The following SLC26A5 variants were observed in gnomAD, a reference collection of about 807,000 sequenced individuals.
The protein encoded by SLC26A5 is solute carrier family 26 member 5.
A neutral mutation model predicts 81.0 loss-of-function variants in SLC26A5; 51 were observed. The observed-to-expected ratio is 0.63, with a 90% CI of 0.50 to 0.80. The LOEUF (loss-of-function observed/expected upper bound fraction) is 0.80, where lower values mean the gene tolerates loss of function less well. SLC26A5 is among the 30% of genes least tolerant of loss of function. The pLI is 0.00. For synonymous variants in SLC26A5, 325 were observed against 332.8 expected, an observed-to-expected ratio of 0.98 and a Z score of 0.25; for missense variants, 771 against 905.8, an observed-to-expected ratio of 0.85 and a Z score of 1.91.
chr7:103,419,671 G>A (rs530149207), intron 4 of SLC26A5, among the ~76,000 whole-genome samples: 26 of 152,068 alleles, frequency 1.7e-4, no homozygotes, highest in Non-Finnish European at 3.7e-4. Flanking sequence ...CTGAGTATCT[G>A]AGACTACAGG....
Position 103,411,603 on chromosome 7 carries a change from T to TGAA in SLC26A5, c.404-20_404-18dup, listed in dbSNP as rs764400425. The stretch of plus-strand genomic sequence containing the variant: ...CAAAAGGACCTGAAATAATGAAGCA[T>TGAA]GAAGATCCCTGTTCAGGGTTCAGAG... On this transcript the variant is annotated splice_polypyrimidine_tract_variant and intron_variant, in intron 5 of 19. Transcript: ENST00000306312. 2.5e-6 allele frequency: 4 copies of TGAA among 1,614,030 alleles called. No individual in the cohort carries two copies. In the African/African-American group the frequency reaches 5.3e-5, roughly 22 times the overall value.
At chr7:103,405,262 T>A (rs1461704668) in intron 8 of SLC26A5, among the ~76,000 whole-genome samples, 1 of 152,048 alleles carries the variant, frequency 6.6e-6, no homozygotes, top group Non-Finnish European at 1.5e-5. Context: ...GGAGAAGAGG[T>A]GTTCTGGCTT....
downstream of SLC26A5, among the ~76,000 whole-genome samples, chr7:103,369,833 A>G (rs1031884447): frequency 6.6e-6 from 1 of 152,224 alleles, no homozygotes; most frequent in Non-Finnish European, 1.5e-5. Context: ...CTTAGTGTTA[A>G]AAATGTGATT....
At position 103,416,404 on chromosome 7, in the gene SLC26A5, AC is replaced by A. The variant is rs577616921; in HGVS notation, c.293-3293del. On this transcript the variant is annotated intron_variant, in intron 4 of 19. Transcript: ENST00000306312. Reference sequence around the variant, plus strand: ...TTTTTTTGCAGGCACTTTGAAGTAAACAAAGTAGAGAAGGGAACAGCCTTTG... The same window carrying A: ...TTTTTTTGCAGGCACTTTGAAGTAAAAAAGTAGAGAAGGGAACAGCCTTTG... Among the ~76,000 whole-genome samples, 34 of 152,366 alleles carry A rather than the reference AC, an allele frequency of 2.2e-4. No individual in the cohort carries two copies. In the South Asian group the frequency reaches 6.6e-3, roughly 30 times the overall value.
At chr7:103,381,424 C>T (rs1821778718) in intron 14 of SLC26A5, among the ~76,000 whole-genome samples, 1 of 151,300 alleles carries the variant, frequency 6.6e-6, no homozygotes, top group Non-Finnish European at 1.5e-5. Context: ...AATACACACA[C>T]ACCACACATA....
In SLC26A5 at chr7:103,381,563, C is replaced by T. The variant is rs777628212; in HGVS notation, c.1515-1014G>A. On this transcript the variant is annotated intron_variant, in intron 14 of 19. Coordinates refer to ENST00000306312, the MANE Select transcript of SLC26A5 (RefSeq NM_198999.3). Reference sequence around the variant, plus strand: ...TACCATATACCTCACACCACACACACCCCTACATACATATACACACACACA... The same window carrying T: ...TACCATATACCTCACACCACACACATCCCTACATACATATACACACACACA... Among the ~76,000 whole-genome samples, 7 of 151,116 alleles carry T rather than the reference C, an allele frequency of 4.6e-5. No homozygotes were observed. In the South Asian group the frequency reaches 1.0e-3, roughly 23 times the overall value.
At chr7:103,404,278 A>G (rs1046099369) in intron 8 of SLC26A5, among the ~76,000 whole-genome samples, 3 of 152,072 alleles carry the variant, frequency 2.0e-5, no homozygotes, top group Admixed American at 6.6e-5. Flanking sequence ...TCTTCACAGT[A>G]TCGATGCTTT....
chr7:103,391,783 GA>G (rs530195379), intron 10 of SLC26A5, 48 bp from the exon 11 acceptor site: 31 of 1,474,666 alleles, frequency 2.1e-5, no homozygotes, highest in East Asian at 2.3e-5. Context: ...CATTCTTCAG[GA>G]AAAAAAAGCA....
intron 14 of SLC26A5, among the ~76,000 whole-genome samples, chr7:103,381,385 A>G (rs1448237607): frequency 2.6e-5 from 4 of 151,224 alleles, no homozygotes; most frequent in Non-Finnish European, 5.9e-5. Flanking sequence ...CATACACACA[A>G]TGCATACACA....
At chr7:103,410,587 A>C in intron 6 of SLC26A5, 38 bp from the exon 7 acceptor site, 2 of 1,554,386 alleles carry the variant, frequency 1.3e-6, no homozygotes, top group Non-Finnish European at 8.8e-7. Flanking sequence ...AATGAATCAC[A>C]TGATAGGTCA....
chr7:103,438,027 A>C (rs1826586705), intron 2 of SLC26A5, among the ~76,000 whole-genome samples: 1 of 152,200 alleles, frequency 6.6e-6, no homozygotes, highest in Admixed American at 6.5e-5. Flanking sequence ...AAACTAATCT[A>C]TGGTGATGGA....
intron 19 of SLC26A5, chr7:103,361,892 A>T: frequency 6.8e-7 from 1 of 1,469,410 alleles, no homozygotes; most frequent in Non-Finnish European, 9.2e-7. Context: ...GATATAATCT[A>T]GTTAGTTGAA....
chr7:103,378,688 C>A, intron 16 of SLC26A5, 135 bp from the exon 17 acceptor site: 1 of 771,210 alleles, frequency 1.3e-6, no homozygotes, highest in East Asian at 2.5e-5. Flanking sequence ...ACTGCCTTTC[C>A]CTCAGAGGCC....
At chr7:103,444,189 G>A (rs1268230383) in intron 1 of SLC26A5, among the ~76,000 whole-genome samples, 1 of 152,154 alleles carries the variant, frequency 6.6e-6, no homozygotes, top group East Asian at 1.9e-4. Flanking sequence ...GTCACAAAAT[G>A]ATTAAATTTA....
At chr7:103,424,320 T>C (rs1440682701) in intron 2 of SLC26A5, among the ~76,000 whole-genome samples, 1 of 152,204 alleles carries the variant, frequency 6.6e-6, no homozygotes, top group African/African-American at 2.4e-5. Context: ...TCTTCTATTC[T>C]AATAGAATCA....
At chr7:103,398,050 T>C (rs768126063) in intron 8 of SLC26A5, 36 bp from the exon 9 acceptor site, 2 of 1,525,032 alleles carry the variant, frequency 1.3e-6, no homozygotes, top group East Asian at 2.3e-5. Context: ...CCTTTAGAGA[T>C]GAATGTTCAA....
Position 103,378,486 on chromosome 7 carries a change from ACTTC to A in SLC26A5, c.1741_1744del (p.Glu581SerfsTer18), listed in dbSNP as rs1378728020. Reference sequence around the variant, plus strand: ...TGCGTTGGCCATATTTGCATTTCCGACTTCCTTAGCGTACTTCCGCATGGCCTTT... The same window carrying A: ...TGCGTTGGCCATATTTGCATTTCCGACTTAGCGTACTTCCGCATGGCCTTT... On this transcript the variant is annotated frameshift_variant, in exon 17 of 20. Coordinates refer to ENST00000306312, the MANE Select transcript of SLC26A5 (RefSeq NM_198999.3). LOFTEE classifies it high-confidence loss of function. 4 of 1,614,010 alleles carry A rather than the reference ACTTC, an allele frequency of 2.5e-6. No homozygotes were observed. The African/African-American group carries it at 5.3e-5, about 22-fold the overall frequency.
intron 14 of SLC26A5, among the ~76,000 whole-genome samples, chr7:103,382,958 A>G (rs1821917607): frequency 6.6e-6 from 1 of 152,172 alleles, no homozygotes; most frequent in Non-Finnish European, 1.5e-5. Flanking sequence ...CTTAGCATGA[A>G]TGTCAAAGGA....
downstream of SLC26A5, chr7:103,369,385 T>G (rs2116287691): frequency 6.6e-6 from 1 of 152,342 alleles, no homozygotes; most frequent in Non-Finnish European, 1.5e-5. Context: ...AATGTACACA[T>G]TTAGAACACA....
Sources: allele counts gnomAD v4.1 joint callset (sites outside exome capture counted in the v4.1 genomes callset), GRCh38; gene constraint gnomAD v4.1.1; transcripts MANE v1.5; gene names NCBI Gene and HGNC (gene_info 2026-07-23, HGNC 2026-07-21).